The following ASTN2 variants were observed in gnomAD, a reference collection of about 807,000 sequenced individuals.
ASTN2 encodes the protein astrotactin-2.
ASTN2 carries 54 observed loss-of-function variants against 139.8 expected under a neutral mutation model. That is an observed-to-expected ratio of 0.39 (90% confidence interval 0.31 to 0.48). The LOEUF (loss-of-function observed/expected upper bound fraction) is 0.48. Ranked by LOEUF, ASTN2 falls within the 20% of genes least tolerant of loss-of-function variation. The pLI, the probability that ASTN2 is intolerant of heterozygous loss-of-function variation, is 0.95. For missense variants in ASTN2, 1,565 were observed against 1,725.1 expected (o/e 0.91, Z 1.64); for synonymous variants, 756 against 719.5 (o/e 1.05, Z -0.81).
At chr9:117,132,887 A>G (rs933780097) in intron 4 of ASTN2, among the ~76,000 whole-genome samples, 22 of 152,220 alleles carry the variant, frequency 1.4e-4, no homozygotes, top group African/African-American at 4.8e-4. Context: ...CATGCTTTAA[A>G]GAAGGATTTC....
chr9:116,473,017 T>A (rs905237862), intron 20 of ASTN2, among the ~76,000 whole-genome samples: 1 of 152,124 alleles, frequency 6.6e-6, no homozygotes, highest in South Asian at 2.1e-4. Flanking sequence ...CTTAGTTTCC[T>A]TGCCTGTAAA....
At chr9:116,579,312 T>C (rs964135386) in intron 19 of ASTN2, among the ~76,000 whole-genome samples, 2 of 152,218 alleles carry the variant, frequency 1.3e-5, no homozygotes, top group African/African-American at 4.8e-5. Flanking sequence ...ACTGGATCTG[T>C]CTGTCATAAA....
At chr9:116,676,512 T>C (rs1205948454) in intron 16 of ASTN2, among the ~76,000 whole-genome samples, 1 of 152,182 alleles carries the variant, frequency 6.6e-6, no homozygotes, top group African/African-American at 2.4e-5. Context: ...AGTACAAAAT[T>C]CCTCTGTCTT....
intron 4 of ASTN2, among the ~76,000 whole-genome samples, chr9:117,129,831 T>A (rs1829787040): frequency 6.6e-6 from 1 of 152,196 alleles, no homozygotes; most frequent in Non-Finnish European, 1.5e-5. Flanking sequence ...GATTTTTCCT[T>A]GTTCCTTCTT....
intron 10 of ASTN2, among the ~76,000 whole-genome samples, chr9:116,872,613 AC>A (rs1193703442): frequency 1.3e-5 from 2 of 152,192 alleles, no homozygotes. Context: ...AAGTGAGGCC[AC>A]AGGACCACAA....
intron 20 of ASTN2, among the ~76,000 whole-genome samples, chr9:116,461,371 C>T (rs1848481349): frequency 6.6e-6 from 1 of 151,906 alleles, no homozygotes; most frequent in African/African-American, 2.4e-5. Flanking sequence ...AAAAACTGTT[C>T]TTTGAATATA....
chr9:116,737,914 C>T (rs375438333), intron 13 of ASTN2, among the ~76,000 whole-genome samples: 4 of 152,040 alleles, frequency 2.6e-5, no homozygotes, highest in East Asian at 1.9e-4. Flanking sequence ...ACATATTGGC[C>T]GGGCGCGGTG....
intron 16 of ASTN2, among the ~76,000 whole-genome samples, chr9:116,708,425 T>A (rs191139640): frequency 6.6e-6 from 1 of 152,328 alleles, no homozygotes; most frequent in African/African-American, 2.4e-5. Context: ...ATCAAAGGGA[T>A]GCAGTATCCT....
chr9:117,337,709 G>A (rs1174431061), intron 1 of ASTN2, among the ~76,000 whole-genome samples: 1 of 152,050 alleles, frequency 6.6e-6, no homozygotes, highest in Non-Finnish European at 1.5e-5. Flanking sequence ...GAGAAAAGTG[G>A]GGAGCTTCCC....
chr9:117,240,925 C>T (rs749990033), intron 2 of ASTN2, among the ~76,000 whole-genome samples: 13 of 152,264 alleles, frequency 8.5e-5, no homozygotes, highest in Middle Eastern at 3.4e-3. Flanking sequence ...TAGCATAAGG[C>T]TCACACTCTC....
At chr9:116,917,188 G>A (rs1472268025) in intron 10 of ASTN2, among the ~76,000 whole-genome samples, 1 of 152,088 alleles carries the variant, frequency 6.6e-6, no homozygotes, top group African/African-American at 2.4e-5. Context: ...TAGATCAACT[G>A]TGACTTTCTC....
chr9:116,889,917 C>A (rs555968460), intron 10 of ASTN2, among the ~76,000 whole-genome samples: 2 of 151,830 alleles, frequency 1.3e-5, no homozygotes, highest in South Asian at 4.2e-4. Flanking sequence ...GGCAACAAAG[C>A]AAGACTGTCT....
chr9:116,569,258 C>T (rs990575109), intron 19 of ASTN2, among the ~76,000 whole-genome samples: 11 of 152,234 alleles, frequency 7.2e-5, no homozygotes, highest in African/African-American at 2.4e-4. Context: ...CACTGCAAGT[C>T]TCAGAGCTTT....
At chr9:117,341,031 G>T (rs1829048457) in intron 1 of ASTN2, among the ~76,000 whole-genome samples, 1 of 152,112 alleles carries the variant, frequency 6.6e-6, no homozygotes, top group African/African-American at 2.4e-5. Context: ...GGGACCCAAG[G>T]TTATCCTTGA....
chr9:116,496,306 G>T (rs1373539284), intron 19 of ASTN2, among the ~76,000 whole-genome samples: 2 of 152,158 alleles, frequency 1.3e-5, no homozygotes, highest in Non-Finnish European at 2.9e-5. Context: ...TGTATCTGTT[G>T]TGTGCTTCAA....
At chr9:116,668,124 A>T (rs934519833) in intron 16 of ASTN2, among the ~76,000 whole-genome samples, 3 of 151,856 alleles carry the variant, frequency 2.0e-5, no homozygotes, top group African/African-American at 7.3e-5. Context: ...TGAAATCTTT[A>T]GTCTCCACAG....
chr9:116,710,140 G>A (rs1193901068), intron 16 of ASTN2, among the ~76,000 whole-genome samples: 2 of 152,108 alleles, frequency 1.3e-5, no homozygotes, highest in African/African-American at 4.8e-5. Flanking sequence ...GCAAGCCCCA[G>A]ATAATATATG....
chr9:117,354,205 C>A (rs1829472165), intron 1 of ASTN2, among the ~76,000 whole-genome samples: 1 of 152,022 alleles, frequency 6.6e-6, no homozygotes, highest in African/African-American at 2.4e-5. Flanking sequence ...TTTCTATAAG[C>A]CTAAAACTAC....
intron 16 of ASTN2, among the ~76,000 whole-genome samples, chr9:116,660,168 G>GCACACACACACACA (rs3041004): frequency 9.5e-5 from 14 of 146,686 alleles, no homozygotes; most frequent in East Asian, 2.1e-4. Context: ...TATTGCAAGC[G>GCACACACACACACA]CACACACACA....
Sources: allele counts gnomAD v4.1 joint callset (sites outside exome capture counted in the v4.1 genomes callset), GRCh38; gene constraint gnomAD v4.1.1; transcripts MANE v1.5; gene names NCBI Gene and HGNC (gene_info 2026-07-23, HGNC 2026-07-21).